Variants in TSPAN9 observed in about 807,000 individuals in gnomAD.
TSPAN9 encodes the protein tetraspanin 9, also known as tetraspanin-9.
Under a neutral mutation model 31.0 loss-of-function variants are expected in TSPAN9, and 16 were observed. The ratio of observed to expected loss-of-function variants is 0.52; its 90% CI spans 0.35 to 0.78. The LOEUF (loss-of-function observed/expected upper bound fraction) is 0.78. TSPAN9 is among the 30% of genes least tolerant of loss of function. The pLI, the probability that TSPAN9 is intolerant of heterozygous loss-of-function variation, is 0.01. For synonymous variants in TSPAN9, 145 were observed against 121.6 expected, an observed-to-expected ratio of 1.19 and a Z score of -1.27; for missense variants, 272 against 312.5, an observed-to-expected ratio of 0.87 and a Z score of 0.98.
At chr12:3,205,728 C>CCG (rs1166025353) in intron 3 of TSPAN9, among the ~76,000 whole-genome samples, 2 of 151,414 alleles carry the variant, frequency 1.3e-5, no homozygotes, top group Non-Finnish European at 2.9e-5. Flanking sequence ...GCCCCCCCCC[C>CCG]CCAGAGTGCT....
chr12:3,176,370 A>G (rs1455934936), intron 2 of TSPAN9, among the ~76,000 whole-genome samples: 1 of 152,208 alleles, frequency 6.6e-6, no homozygotes, highest in East Asian at 1.9e-4. Flanking sequence ...CTGCACAGGG[A>G]ACAGAATGTG....
intron 3 of TSPAN9, among the ~76,000 whole-genome samples, chr12:3,267,109 C>T (rs1733518406): frequency 6.6e-6 from 1 of 152,212 alleles, no homozygotes; most frequent in Non-Finnish European, 1.5e-5. Context: ...GACTTTTCTT[C>T]ACCTCTGGGG....
chr12:3,229,124 A>T (rs2098389339), intron 3 of TSPAN9, among the ~76,000 whole-genome samples: 1 of 152,210 alleles, frequency 6.6e-6, no homozygotes. Flanking sequence ...TCCAGGGATT[A>T]GGACATGAAG....
At chr12:3,105,758 G>GCACACA (rs1183534674) in intron 2 of TSPAN9, among the ~76,000 whole-genome samples, 1 of 94,484 alleles carries the variant, frequency 1.1e-5, no homozygotes, top group East Asian at 4.5e-4. Flanking sequence ...TCACACACAC[G>GCACACA]CACACACGCG....
chr12:3,271,748 C>G (rs1010602778), intron 3 of TSPAN9, among the ~76,000 whole-genome samples: 7 of 152,132 alleles, frequency 4.6e-5, no homozygotes, highest in Non-Finnish European at 1.0e-4. Context: ...TGCTCTCTTG[C>G]CTTCCCTGCC....
chr12:3,109,281 T>TGTGTGTGTGTGTGC (rs2098316791), intron 2 of TSPAN9, among the ~76,000 whole-genome samples: 1 of 128,500 alleles, frequency 7.8e-6, no homozygotes, highest in African/African-American at 3.7e-5. Context: ...TGTGTGTGTG[T>TGTGTGTGTGTGTGC]GTGTGTGTGT....
At chr12:3,088,476 TG>T (rs2153962605) in intron 2 of TSPAN9, among the ~76,000 whole-genome samples, 2 of 152,298 alleles carry the variant, frequency 1.3e-5, no homozygotes, top group African/African-American at 4.8e-5. Flanking sequence ...CAGGCCTGGC[TG>T]TCACCCATCA....
rs1191426960 is a variant in TSPAN9, at chr12:3,143,218, A to G, written c.-17-57959A>G. On this transcript the variant is annotated intron_variant, in intron 2 of 8. Coordinates refer to ENST00000011898, the MANE Select transcript of TSPAN9 (RefSeq NM_006675.5). This position sits in a 1 kb window ranked among gnomAD's most constrained non-coding sequence, Gnocchi z 4.2. ...TGTCTGCCAGGTATCTCCCGTATAT[A>G]AAGTGGCCCCTTTTTCTTTATAATT... is the stretch of plus-strand genomic sequence containing the variant. Among the ~76,000 whole-genome samples, 1 of 149,220 alleles carries G rather than the reference A, an allele frequency of 6.7e-6. No homozygotes were observed. The highest frequency in any genetic ancestry group is 1.5e-5 in the Non-Finnish European group (1 of 67,790).
At chr12:3,195,986 G>A (rs941759947) in intron 2 of TSPAN9, among the ~76,000 whole-genome samples, 11 of 152,212 alleles carry the variant, frequency 7.2e-5, no homozygotes, top group African/African-American at 2.2e-4. Context: ...AGCTGCAGTC[G>A]TGAGTGGGGG....
intron 3 of TSPAN9, among the ~76,000 whole-genome samples, chr12:3,229,365 T>C (rs2098389479): frequency 1.3e-5 from 2 of 152,236 alleles, no homozygotes; most frequent in African/African-American, 4.8e-5. Context: ...TGCCTTTGAC[T>C]GTGAACCTGC....
chr12:3,105,832 T>A (rs2878394), intron 2 of TSPAN9, among the ~76,000 whole-genome samples: 4 of 142,308 alleles, frequency 2.8e-5, no homozygotes, highest in South Asian at 2.2e-4. Flanking sequence ...GCACACACAC[T>A]TTCATACACA....
At chr12:3,089,084 T>C (rs1240764616) in intron 2 of TSPAN9, among the ~76,000 whole-genome samples, 1 of 151,248 alleles carries the variant, frequency 6.6e-6, no homozygotes, top group Admixed American at 6.6e-5. Context: ...TGCAAAAAAT[T>C]AGCCGGGCGT....
chr12:3,185,968 TGGCCTTAGCTCC>T lies in TSPAN9; in HGVS notation c.-17-15204_-17-15193del, dbSNP rs377733681. Among the ~76,000 whole-genome samples, 1,012 of 152,312 alleles carry T rather than the reference TGGCCTTAGCTCC, an allele frequency of 6.6e-3. 10 individuals carry two copies. The highest frequency in any genetic ancestry group is 0.023 in the African/African-American group (952 of 41,576). Reference sequence around the variant, plus strand: ...GGGCCTTCAGACTTGGTGTTCTGTTTGGCCTTAGCTCCGGCCCTCGGTACTGCCCAGGGTTAG... The same window carrying T: ...GGGCCTTCAGACTTGGTGTTCTGTTTGGCCCTCGGTACTGCCCAGGGTTAG... On this transcript the variant is annotated intron_variant, in intron 2 of 8. Coordinates refer to ENST00000011898, the MANE Select transcript of TSPAN9 (RefSeq NM_006675.5).
chr12:3,236,402 A>G (rs2098393747), intron 3 of TSPAN9, among the ~76,000 whole-genome samples: 1 of 152,228 alleles, frequency 6.6e-6, no homozygotes, highest in South Asian at 2.1e-4. Flanking sequence ...GCCCTTTTAC[A>G]GATGAGGCAG....
At chr12:3,213,333 C>G (rs2098379731) in intron 3 of TSPAN9, among the ~76,000 whole-genome samples, 1 of 152,168 alleles carries the variant, frequency 6.6e-6, no homozygotes, top group Non-Finnish European at 1.5e-5. Context: ...TGCCCCCTGC[C>G]CTCTCAAGGG....
chr12:3,208,051 T>C (rs181789108), intron 3 of TSPAN9, among the ~76,000 whole-genome samples: 1 of 152,350 alleles, frequency 6.6e-6, no homozygotes. Context: ...GCTGTGTGCA[T>C]GATGCAGGTG....
chr12:3,272,635 C>T (rs1400162406), intron 3 of TSPAN9, among the ~76,000 whole-genome samples: 1 of 152,064 alleles, frequency 6.6e-6, no homozygotes, highest in African/African-American at 2.4e-5. Flanking sequence ...CTGCTGTGGG[C>T]CCGGCGCTGG....
At chr12:3,277,282 T>G (rs534425736) in intron 3 of TSPAN9, among the ~76,000 whole-genome samples, 53 of 152,334 alleles carry the variant, frequency 3.5e-4, no homozygotes, top group Non-Finnish European at 7.1e-4. Flanking sequence ...GCATAGAATG[T>G]TCTCGTCCTC....
At chr12:3,096,614 CACTT>C (rs67026101) in intron 2 of TSPAN9, among the ~76,000 whole-genome samples, 21,068 of 151,962 alleles carry the variant, frequency 0.14, 1,863 homozygotes, top group Middle Eastern at 0.2. Context: ...GACACTTAGA[CACTT>C]GCTTGCTTTA....
Sources: allele counts gnomAD v4.1 joint callset (sites outside exome capture counted in the v4.1 genomes callset), GRCh38; gene constraint gnomAD v4.1.1; non-coding constraint Gnocchi (gnomAD v3.1); transcripts MANE v1.5; gene names NCBI Gene and HGNC (gene_info 2026-07-23, HGNC 2026-07-21).